BTG4: variants seen among roughly 807,000 people sequenced by gnomAD.
BTG4 encodes protein BTG4.
In BTG4, 10 loss-of-function variants were observed where a neutral mutation model predicts 19.3. That is an observed-to-expected ratio of 0.52 (90% CI 0.32 to 0.88). The LOEUF is 0.88. Among genes scored for constraint, BTG4 ranks in the 40% least tolerant of loss-of-function variants. The pLI is 0.04. For missense variants in BTG4, 238 were observed against 281.9 expected (o/e 0.84, Z 1.11); for synonymous variants, 91 against 95.7 (o/e 0.95, Z 0.29).
At chr11:111,474,059 C>A (rs990295293) in intron 5 of BTG4, among the ~76,000 whole-genome samples, 1 of 152,110 alleles carries the variant, frequency 6.6e-6, no homozygotes, top group Non-Finnish European at 1.5e-5. Context: ...CTTCCCCATG[C>A]ACAGTAGAGA....
the BTG4 span, among the ~76,000 whole-genome samples, chr11:111,406,046 A>G: frequency 6.6e-6 from 1 of 152,270 alleles, no homozygotes; most frequent in Non-Finnish European, 1.5e-5. Context: ...TTCTCCCAAC[A>G]AATCTGTGTA....
chr11:111,436,206 C>T, the BTG4 span, among the ~76,000 whole-genome samples: 3 of 152,170 alleles, frequency 2.0e-5, no homozygotes, highest in Non-Finnish European at 4.4e-5. Context: ...ATTTCACCCT[C>T]GATCAGTAGC....
chr11:111,417,301 C>T, the BTG4 span: 1 of 152,346 alleles, frequency 6.6e-6, no homozygotes, highest in African/African-American at 2.4e-5. Flanking sequence ...GCACTTGCTT[C>T]TCTCTTCCTC....
the BTG4 span, among the ~76,000 whole-genome samples, chr11:111,428,694 T>C: frequency 6.6e-6 from 1 of 152,188 alleles, no homozygotes; most frequent in East Asian, 1.9e-4. Flanking sequence ...AGCCCCTGAC[T>C]ATCTGCTGTT....
intron 5 of BTG4, among the ~76,000 whole-genome samples, chr11:111,476,807 A>G (rs962022687): frequency 1.3e-5 from 2 of 152,182 alleles, no homozygotes; most frequent in African/African-American, 4.8e-5. Flanking sequence ...CCTCAAACCA[A>G]TGCATAACTT....
the BTG4 span, among the ~76,000 whole-genome samples, chr11:111,445,277 G>A: frequency 1.8e-4 from 27 of 152,212 alleles, no homozygotes; most frequent in African/African-American, 6.0e-4. Context: ...TAATCCAGCA[G>A]TTAATGCAGT....
At chr11:111,500,884 T>A (rs1866033823) in intron 1 of BTG4, among the ~76,000 whole-genome samples, 1 of 152,148 alleles carries the variant, frequency 6.6e-6, no homozygotes. Context: ...TTTTGTCATA[T>A]CTTTCCATTC....
At chr11:111,394,249 C>T in the BTG4 span, among the ~76,000 whole-genome samples, 3 of 152,208 alleles carry the variant, frequency 2.0e-5, no homozygotes, top group Middle Eastern at 9.5e-3. Context: ...CTTGAAGTTC[C>T]TGCCCTTTCC....
intron 1 of BTG4, among the ~76,000 whole-genome samples, chr11:111,502,813 A>C (rs1256593723): frequency 6.6e-6 from 1 of 152,220 alleles, no homozygotes; most frequent in Non-Finnish European, 1.5e-5. Flanking sequence ...TATTTTCTGC[A>C]ACAGGCCCAG....
intron 5 of BTG4, among the ~76,000 whole-genome samples, chr11:111,471,725 C>T (rs1449952432): frequency 6.6e-6 from 1 of 152,168 alleles, no homozygotes; most frequent in Non-Finnish European, 1.5e-5. Flanking sequence ...CTATCTTCAA[C>T]CCCAATTCTC....
chr11:111,510,156 C>T (rs182565444), intron 1 of BTG4, among the ~76,000 whole-genome samples: 1 of 152,128 alleles, frequency 6.6e-6, no homozygotes, highest in African/African-American at 2.4e-5. Flanking sequence ...GTGATCCGCC[C>T]GCCTTGACCT....
the BTG4 span, among the ~76,000 whole-genome samples, chr11:111,410,189 T>TA: frequency 6.6e-6 from 1 of 152,026 alleles, no homozygotes. Context: ...AACTCTTTTT[T>TA]TTTTTATACA....
At chr11:111,460,570 C>G in the BTG4 span, among the ~76,000 whole-genome samples, 6 of 152,078 alleles carry the variant, frequency 3.9e-5, no homozygotes, top group African/African-American at 1.4e-4. Context: ...GGGAGGGCAT[C>G]TCAACACACA....
At chr11:111,457,561 C>A in the BTG4 span, among the ~76,000 whole-genome samples, 1 of 152,084 alleles carries the variant, frequency 6.6e-6, no homozygotes, top group Non-Finnish European at 1.5e-5. Context: ...CAGCCTCTTA[C>A]CCCCAACCTT....
chr11:111,454,885 C>T, the BTG4 span: 3 of 421,994 alleles, frequency 7.1e-6, no homozygotes, highest in Non-Finnish European at 1.5e-5. Context: ...CAGCAGGGGG[C>T]GCTGCAATCA....
At chr11:111,401,489 A>AAAAAGAAAAGAAAAG in the BTG4 span, among the ~76,000 whole-genome samples, 4 of 151,914 alleles carry the variant, frequency 2.6e-5, no homozygotes, top group African/African-American at 9.7e-5. Flanking sequence ...CTCAAAAAAA[A>AAAAAGAAAAGAAAAG]AAAAGAAAAG....
At chr11:111,388,421 T>C in the BTG4 span, among the ~76,000 whole-genome samples, 1 of 152,070 alleles carries the variant, frequency 6.6e-6, no homozygotes. Context: ...CTTCCTTTTT[T>C]CTCATGATCT....
At chr11:111,435,810 C>T in the BTG4 span, among the ~76,000 whole-genome samples, 1 of 152,150 alleles carries the variant, frequency 6.6e-6, no homozygotes, top group Admixed American at 6.5e-5. Flanking sequence ...AACTCCACCC[C>T]ACCCGCCCTA....
intron 1 of BTG4, among the ~76,000 whole-genome samples, chr11:111,499,652 TA>T (rs1865949053): frequency 6.6e-6 from 1 of 152,238 alleles, no homozygotes; most frequent in African/African-American, 2.4e-5. Flanking sequence ...GACAACATAT[TA>T]AGGAATTTTG....
Sources: allele counts gnomAD v4.1 joint callset (sites outside exome capture counted in the v4.1 genomes callset), GRCh38; gene constraint gnomAD v4.1.1; transcripts MANE v1.5; gene names NCBI Gene and HGNC (gene_info 2026-07-23, HGNC 2026-07-21).